Variants in DAB2IP observed in about 807,000 individuals in gnomAD.
DAB2IP encodes DAB2 interacting protein, also known as disabled homolog 2-interacting protein.
Under a neutral mutation model 107.2 loss-of-function variants are expected in DAB2IP, and 28 were observed. The observed-to-expected ratio is 0.26, with a 90% CI of 0.19 to 0.36. The LOEUF (loss-of-function observed/expected upper bound fraction) is 0.36. Ranked by LOEUF, DAB2IP falls within the 10% of genes least tolerant of loss-of-function variation. The probability of loss-of-function intolerance (pLI) is 1.00; values close to 1 mark genes in which losing one functional copy is unlikely to be tolerated. For missense variants in DAB2IP, 1,400 were observed against 1,644.7 expected (o/e 0.85, Z 2.57); for synonymous variants, 755 against 706.4 (o/e 1.07, Z -1.09).
At chr9:121,714,198 C>T (rs930113276) in intron 3 of DAB2IP, among the ~76,000 whole-genome samples, 1 of 152,200 alleles carries the variant, frequency 6.6e-6, no homozygotes. Context: ...ATATATATAG[C>T]AAGAGATGGC....
chr9:121,610,980 T>C (rs1439213645), intron 1 of DAB2IP, among the ~76,000 whole-genome samples: 1 of 152,038 alleles, frequency 6.6e-6, no homozygotes, highest in Non-Finnish European at 1.5e-5. Context: ...TTTGTTTGTT[T>C]GTTTGTTTGT....
chr9:121,758,364 G>A (rs1833641142), intron 4 of DAB2IP, among the ~76,000 whole-genome samples: 1 of 152,196 alleles, frequency 6.6e-6, no homozygotes, highest in Admixed American at 6.5e-5. Flanking sequence ...CATTTCTCCA[G>A]TCTGGCATAA....
At chr9:121,766,442 G>C (rs538132124) in intron 8 of DAB2IP, 52 bp from the exon 9 acceptor site, 1 of 1,548,248 alleles carries the variant, frequency 6.5e-7, no homozygotes, top group African/African-American at 1.4e-5. Context: ...GTGCACTCCT[G>C]TCCTGGGCCC....
intron 1 of DAB2IP, among the ~76,000 whole-genome samples, chr9:121,574,204 G>A (rs1288204128): frequency 1.3e-5 from 2 of 152,058 alleles, no homozygotes; most frequent in African/African-American, 2.4e-5. Context: ...CCCATCCATC[G>A]TCTCGCTTCC....
intron 14 of DAB2IP, among the ~76,000 whole-genome samples, chr9:121,780,844 G>A (rs1005831660): frequency 5.9e-5 from 9 of 152,172 alleles, no homozygotes; most frequent in African/African-American, 2.2e-4. Flanking sequence ...TGTTCTGCCT[G>A]CACACCTGTC....
chr9:121,640,786 G>A (rs1832259235), intron 1 of DAB2IP, among the ~76,000 whole-genome samples: 1 of 152,204 alleles, frequency 6.6e-6, no homozygotes, highest in South Asian at 2.1e-4. Context: ...TGAGCCTCTG[G>A]ACCTCTGACT....
intron 11 of DAB2IP, 21 bp downstream of exon 11, chr9:121,770,745 T>C: frequency 6.2e-7 from 1 of 1,611,112 alleles, no homozygotes; most frequent in African/African-American, 1.3e-5. Flanking sequence ...CCAGCCATGT[T>C]GGGTGTGGTG....
intron 1 of DAB2IP, among the ~76,000 whole-genome samples, chr9:121,658,408 C>T (rs1365539501): frequency 6.6e-6 from 1 of 152,204 alleles, no homozygotes; most frequent in Non-Finnish European, 1.5e-5. Context: ...GAAGCTTGCG[C>T]TTGACAGTTG....
At chr9:121,689,305 A>G (rs984870402) in intron 2 of DAB2IP, among the ~76,000 whole-genome samples, 2 of 151,704 alleles carry the variant, frequency 1.3e-5, no homozygotes, top group Non-Finnish European at 2.9e-5. Context: ...AAAAAAAAAA[A>G]AAAGAAACTG....
intron 1 of DAB2IP, among the ~76,000 whole-genome samples, chr9:121,600,307 C>G (rs1051966539): frequency 2.6e-5 from 4 of 152,154 alleles, no homozygotes; most frequent in Admixed American, 1.3e-4. Flanking sequence ...ATCAGGGAGG[C>G]GATTGGCAGG....
At chr9:121,773,296 C>A (rs1834911909) in exon 12 of DAB2IP, 2 of 1,520,304 alleles carry the variant, frequency 1.3e-6, no homozygotes, top group Non-Finnish European at 1.8e-6. Flanking sequence ...CCTCCGCCCC[C>A]ACCCCCGCCG....
At chr9:121,741,705 T>G (rs1210811426) in intron 3 of DAB2IP, among the ~76,000 whole-genome samples, 3 of 151,674 alleles carry the variant, frequency 2.0e-5, no homozygotes, top group African/African-American at 7.3e-5. Context: ...AAGAAATGAC[T>G]TGGCCACAGT....
chr9:121,635,592 G>A lies in DAB2IP; in HGVS notation c.41-43086G>A, dbSNP rs1832058522. Among the ~76,000 whole-genome samples the A allele has an allele frequency of 6.6e-6, 1 of 152,200 alleles. No homozygotes were observed. The highest frequency in any genetic ancestry group is 2.1e-4 in the South Asian group (1 of 4,834). ...GCAGGGAAGAAGGCCACCTGAGAGA[G>A]AGGTTAGGAAGCACCAGGGCAACCA... On this transcript the variant is annotated intron_variant, in intron 1 of 16. Transcript: ENST00000259371. This position sits in a 1 kb window ranked among gnomAD's most constrained non-coding sequence, Gnocchi z 4.3.
At chr9:121,757,882 G>C (rs1038532392) in intron 4 of DAB2IP, among the ~76,000 whole-genome samples, 1 of 152,240 alleles carries the variant, frequency 6.6e-6, no homozygotes, top group Non-Finnish European at 1.5e-5. Flanking sequence ...CTCTTGTAGA[G>C]GAATGAGCCT....
chr9:121,614,737 C>CTTTT (rs33981373), intron 1 of DAB2IP, among the ~76,000 whole-genome samples: 1 of 129,288 alleles, frequency 7.7e-6, no homozygotes, highest in Non-Finnish European at 1.6e-5. Flanking sequence ...TTCTTTCTTT[C>CTTTT]TTTTTTTTTT....
chr9:121,722,526 G>T (rs1321093522), intron 3 of DAB2IP, among the ~76,000 whole-genome samples: 1 of 152,084 alleles, frequency 6.6e-6, no homozygotes, highest in Non-Finnish European at 1.5e-5. Flanking sequence ...CCAGAGATTT[G>T]CCCAGGAAAC....
intron 14 of DAB2IP, among the ~76,000 whole-genome samples, chr9:121,778,308 G>A (rs1407541279): frequency 1.3e-5 from 2 of 152,040 alleles, no homozygotes; most frequent in South Asian, 2.1e-4. Context: ...ATCACCTTGG[G>A]GGTTAGGTGT....
At chr9:121,695,810 T>G (rs918179940) in intron 2 of DAB2IP, among the ~76,000 whole-genome samples, 2 of 152,242 alleles carry the variant, frequency 1.3e-5, no homozygotes, top group Non-Finnish European at 2.9e-5. Context: ...TGGCTTTTGT[T>G]GAGCACTTAC....
chr9:121,624,181 C>A (rs1831566056), intron 1 of DAB2IP, among the ~76,000 whole-genome samples: 1 of 152,226 alleles, frequency 6.6e-6, no homozygotes, highest in Non-Finnish European at 1.5e-5. Flanking sequence ...GCAGCTTTTC[C>A]AGGCAGAGTC....
Sources: gnomAD v4.1 joint callset for allele counts (sites outside exome capture counted in the v4.1 genomes callset) on GRCh38, gnomAD v4.1.1 for gene constraint, Gnocchi (gnomAD v3.1) non-coding constraint, MANE v1.5 for transcripts, NCBI Gene and HGNC (gene_info 2026-07-23, HGNC 2026-07-21) for gene names.